The following GPR39 variants were observed in gnomAD, a reference collection of about 807,000 sequenced individuals.
The protein encoded by GPR39 is G protein-coupled receptor 39.
In GPR39, 23 loss-of-function variants were observed where a neutral mutation model predicts 18.4. That is an observed-to-expected ratio of 1.25 (90% CI 0.90 to 1.77). GPR39 has a LOEUF of 1.77. Among genes scored for constraint, GPR39 ranks in the 40% most tolerant of loss-of-function variants. The pLI, the probability that GPR39 is intolerant of heterozygous loss-of-function variation, is 0.00. For synonymous variants in GPR39, 280 were observed against 257.9 expected, an observed-to-expected ratio of 1.09 and a Z score of -0.82; for missense variants, 647 against 602.4, an observed-to-expected ratio of 1.07 and a Z score of -0.78.
intron 1 of GPR39, among the ~76,000 whole-genome samples, chr2:132,424,570 T>C (rs746444620): frequency 5.3e-5 from 8 of 152,118 alleles, no homozygotes; most frequent in Admixed American, 2.0e-4. Context: ...ACTTCATATC[T>C]CTCCCTTTAA....
chr2:132,430,066 G>A (rs1324390505), intron 1 of GPR39, among the ~76,000 whole-genome samples: 1 of 152,256 alleles, frequency 6.6e-6, no homozygotes, highest in East Asian at 1.9e-4. Context: ...AAACACTGAT[G>A]TGGCCATGTG....
At chr2:132,571,645 TACTG>T (rs1349584074) in intron 1 of GPR39, among the ~76,000 whole-genome samples, 1 of 152,104 alleles carries the variant, frequency 6.6e-6, no homozygotes, top group Non-Finnish European at 1.5e-5. Flanking sequence ...AGTGGGATCT[TACTG>T]AGTGATGGTA....
intron 1 of GPR39, among the ~76,000 whole-genome samples, chr2:132,589,342 A>T (rs1051769709): frequency 2.6e-5 from 4 of 152,190 alleles, no homozygotes; most frequent in African/African-American, 9.6e-5. Context: ...TCTCCCATGG[A>T]TCACTGGGGA....
Position 132,416,990 on chromosome 2 carries a change from G to A in GPR39, c.-53G>A. ...CAAGAATTTTGGACGCTGCTGGGAG[G>A]AGAAAGGGAAGTTGAGAAAGTCTTT... On this transcript the variant is annotated 5_prime_UTR_variant, in exon 1 of 2. Transcript: ENST00000329321. 1 of 1,582,988 alleles carries A rather than the reference G, an allele frequency of 6.3e-7. No individual in the cohort carries two copies. The highest frequency in any genetic ancestry group is 1.7e-5 in the Admixed American group (1 of 58,256).
intron 1 of GPR39, among the ~76,000 whole-genome samples, chr2:132,617,527 T>C: frequency 6.6e-6 from 1 of 152,224 alleles, no homozygotes; most frequent in East Asian, 1.9e-4. Flanking sequence ...TTTATGTGTT[T>C]ATTGCCATTA....
chr2:132,530,766 G>A (rs1444663806), intron 1 of GPR39, among the ~76,000 whole-genome samples: 2 of 152,138 alleles, frequency 1.3e-5, no homozygotes, highest in African/African-American at 4.8e-5. Context: ...CTTCATAAGT[G>A]AAGGAGAAAT....
chr2:132,501,054 G>GTTTTT (rs55720929), intron 1 of GPR39, among the ~76,000 whole-genome samples: 20 of 90,260 alleles, frequency 2.2e-4, no homozygotes, highest in Admixed American at 3.5e-4. Flanking sequence ...TATCTTTTGT[G>GTTTTT]TTTTTTTTTT....
intron 1 of GPR39, among the ~76,000 whole-genome samples, chr2:132,596,187 T>A (rs947481818): frequency 2.1e-4 from 32 of 152,174 alleles, no homozygotes; most frequent in African/African-American, 7.7e-4. Flanking sequence ...GAGATTTTTT[T>A]AAAATTGACT....
intron 1 of GPR39, among the ~76,000 whole-genome samples, chr2:132,533,445 C>G (rs545048474): frequency 7.4e-6 from 1 of 134,690 alleles, no homozygotes; most frequent in African/African-American, 2.6e-5. Flanking sequence ...GATTCAATGT[C>G]ATCCCCATCA....
At chr2:132,489,436 T>C in intron 1 of GPR39, among the ~76,000 whole-genome samples, 1 of 152,176 alleles carries the variant, frequency 6.6e-6, no homozygotes, top group South Asian at 2.1e-4. Flanking sequence ...CGGCAGGCCG[T>C]GGGGCTGCTC....
intron 1 of GPR39, among the ~76,000 whole-genome samples, chr2:132,633,338 CTGTGTG>C (rs55722602): frequency 0.27 from 38,091 of 139,032 alleles, 5,080 homozygotes; most frequent in Middle Eastern, 0.33. Flanking sequence ...CCAAATACCT[CTGTGTG>C]TGTGTGTGTG....
chr2:132,530,693 C>G (rs1189417366), intron 1 of GPR39, among the ~76,000 whole-genome samples: 1 of 152,170 alleles, frequency 6.6e-6, no homozygotes, highest in South Asian at 2.1e-4. Context: ...AGTGGGGGCT[C>G]ATATTCAACA....
chr2:132,579,149 T>G (rs890955678), intron 1 of GPR39, among the ~76,000 whole-genome samples: 3 of 151,946 alleles, frequency 2.0e-5, no homozygotes, highest in Non-Finnish European at 4.4e-5. Flanking sequence ...CCCACAAATT[T>G]TGATCTTTTT....
intron 1 of GPR39, among the ~76,000 whole-genome samples, chr2:132,442,878 G>A (rs575312060): frequency 1.3e-5 from 2 of 152,154 alleles, no homozygotes; most frequent in South Asian, 4.2e-4. Context: ...TCTTCACTCT[G>A]CATATTTAGG....
chr2:132,521,119 T>C (rs1258328887), intron 1 of GPR39, among the ~76,000 whole-genome samples: 1 of 152,028 alleles, frequency 6.6e-6, no homozygotes, highest in Non-Finnish European at 1.5e-5. Context: ...GCCTTTCCAA[T>C]GGGAACAAGG....
intron 1 of GPR39, among the ~76,000 whole-genome samples, chr2:132,541,626 A>G (rs1679862774): frequency 6.6e-6 from 1 of 152,118 alleles, no homozygotes; most frequent in Non-Finnish European, 1.5e-5. Flanking sequence ...AGTGTGTGTA[A>G]CCCACAGAGG....
chr2:132,487,167 G>A (rs1017189856), intron 1 of GPR39, among the ~76,000 whole-genome samples: 5 of 152,140 alleles, frequency 3.3e-5, no homozygotes, highest in Admixed American at 3.3e-4. Context: ...TCTTATATGG[G>A]TATGGTTTGT....
At chr2:132,601,709 A>C (rs1244000871) in intron 1 of GPR39, among the ~76,000 whole-genome samples, 1 of 152,192 alleles carries the variant, frequency 6.6e-6, no homozygotes, top group Non-Finnish European at 1.5e-5. Context: ...GAAATGATAA[A>C]CAAATTCAAT....
chr2:132,598,280 G>A (rs770631922), intron 1 of GPR39, among the ~76,000 whole-genome samples: 5 of 152,080 alleles, frequency 3.3e-5, no homozygotes, highest in African/African-American at 4.8e-5. Context: ...CTTTATTTCC[G>A]GGTATTTGTT....
Sources: allele counts gnomAD v4.1 joint callset (sites outside exome capture counted in the v4.1 genomes callset), GRCh38; gene constraint gnomAD v4.1.1; transcripts MANE v1.5; gene names NCBI Gene and HGNC (gene_info 2026-07-23, HGNC 2026-07-21).